The following CYB5A variants were observed in gnomAD, a reference collection of about 807,000 sequenced individuals.
CYB5A encodes the protein cytochrome b5.
A neutral mutation model predicts 16.2 loss-of-function variants in CYB5A; 10 were observed. The observed-to-expected ratio is 0.62, with a 90% confidence interval of 0.38 to 1.04. The LOEUF is 1.04. Ranked by LOEUF, CYB5A falls within the 50% of genes least tolerant of loss-of-function variation. The pLI is 0.01. For synonymous variants in CYB5A, 62 were observed against 57.0 expected, an observed-to-expected ratio of 1.09 and a Z score of -0.40; for missense variants, 161 against 165.9, an observed-to-expected ratio of 0.97 and a Z score of 0.16.
chr18:74,274,214 C>G (rs1982780537), intron 1 of CYB5A, among the ~76,000 whole-genome samples: 1 of 152,180 alleles, frequency 6.6e-6, no homozygotes, highest in African/African-American at 2.4e-5. Context: ...AAGACATGAT[C>G]TTGGGATGGG....
intron 1 of CYB5A, among the ~76,000 whole-genome samples, chr18:74,285,357 T>C (rs1035637620): frequency 8.5e-5 from 13 of 152,222 alleles, no homozygotes; most frequent in African/African-American, 3.1e-4. Context: ...ACAATGAAAT[T>C]CTTTCATAGA....
At chr18:74,284,899 C>G (rs766494873) in intron 1 of CYB5A, among the ~76,000 whole-genome samples, 1 of 152,168 alleles carries the variant, frequency 6.6e-6, no homozygotes, top group Non-Finnish European at 1.5e-5. Flanking sequence ...AGCCAACAGG[C>G]AGCACAGGCC....
At chr18:74,280,050 A>G (rs886755847) in intron 1 of CYB5A, among the ~76,000 whole-genome samples, 1 of 152,200 alleles carries the variant, frequency 6.6e-6, no homozygotes, top group Admixed American at 6.5e-5. Context: ...TCAGCAGCAT[A>G]ACTGGGCTCA....
intron 1 of CYB5A, among the ~76,000 whole-genome samples, chr18:74,273,191 G>A (rs562362785): frequency 3.9e-5 from 6 of 152,176 alleles, no homozygotes; most frequent in Non-Finnish European, 8.8e-5. Context: ...GGTCATCTTT[G>A]CTAGGAAGAC....
At chr18:74,255,625 G>C (rs1981945254) in intron 4 of CYB5A, 116 bp downstream of exon 4, 1 of 855,764 alleles carries the variant, frequency 1.2e-6, no homozygotes, top group Non-Finnish European at 2.0e-6. Flanking sequence ...GCAGAAGGTT[G>C]CTGAGACAGC....
chr18:74,288,375 T>A (rs1436070601), intron 1 of CYB5A, among the ~76,000 whole-genome samples: 1 of 151,714 alleles, frequency 6.6e-6, no homozygotes, highest in Admixed American at 6.6e-5. Context: ...GGATGGGGGA[T>A]CTCACAGTAA....
intron 1 of CYB5A, among the ~76,000 whole-genome samples, chr18:74,290,441 C>T (rs1053772232): frequency 2.0e-5 from 3 of 151,828 alleles, no homozygotes; most frequent in Admixed American, 6.5e-5. Context: ...GATGGGGTTT[C>T]GCCATGTTGG....
intron 1 of CYB5A, among the ~76,000 whole-genome samples, chr18:74,284,522 G>C (rs1983245726): frequency 6.6e-6 from 1 of 152,144 alleles, no homozygotes; most frequent in Non-Finnish European, 1.5e-5. Context: ...GGCTAATTCT[G>C]GACACAGCTG....
chr18:74,256,782 G>C (rs2145038262), intron 3 of CYB5A: 1 of 1,578,528 alleles, frequency 6.3e-7, no homozygotes. Flanking sequence ...TGAAAAGACA[G>C]ACCCCTTTCA....
rs1981770648 is a variant in CYB5A, at chr18:74,251,354, A to G, written c.*2230T>C. On this transcript the variant is annotated 3_prime_UTR_variant, in exon 5 of 5. Transcript: ENST00000340533. Reference sequence around the variant, plus strand: ...TAAGAAGTACATTGGTTCTGTTTGGAAAGGCGGGACACCTTGAAGCAAAGG... The same window carrying G: ...TAAGAAGTACATTGGTTCTGTTTGGGAAGGCGGGACACCTTGAAGCAAAGG... 1 of 152,494 alleles carries G rather than the reference A, an allele frequency of 6.6e-6. No individual in the cohort carries two copies. Among genetic ancestry groups the G allele is most frequent in the African/African-American group, 2.4e-5 (1 of 41,418 alleles). The allele number at this position is 152,494 out of a possible 1,614,324, so 9.4% of individuals were successfully genotyped here.
intron 1 of CYB5A, among the ~76,000 whole-genome samples, chr18:74,266,141 C>T (rs1420779353): frequency 6.6e-6 from 1 of 152,210 alleles, no homozygotes; most frequent in Non-Finnish European, 1.5e-5. Flanking sequence ...AACAGAATGG[C>T]TACCTCAAAG....
At chr18:74,265,695 G>C (rs1353083297) in intron 1 of CYB5A, among the ~76,000 whole-genome samples, 1 of 152,152 alleles carries the variant, frequency 6.6e-6, no homozygotes, top group Non-Finnish European at 1.5e-5. Flanking sequence ...TCATCTGCTC[G>C]GCCTCTGGTG....
At chr18:74,277,494 T>C (rs1289375696) in intron 1 of CYB5A, among the ~76,000 whole-genome samples, 4 of 152,214 alleles carry the variant, frequency 2.6e-5, no homozygotes, top group African/African-American at 7.2e-5. Flanking sequence ...AAACATCTGA[T>C]GAATGCCAAG....
intron 2 of CYB5A, chr18:74,261,263 T>C: frequency 2.8e-6 from 1 of 360,062 alleles, no homozygotes; most frequent in Non-Finnish European, 5.3e-6. Context: ...AGCTGAAGAC[T>C]GATTCTTCCC....
intron 1 of CYB5A, among the ~76,000 whole-genome samples, chr18:74,284,161 G>A (rs964613666): frequency 4.6e-5 from 7 of 150,604 alleles, no homozygotes; most frequent in African/African-American, 1.7e-4. Context: ...AACTTGGGAG[G>A]TGGAAGGTTG....
chr18:74,257,165 A>G, intron 3 of CYB5A: 1 of 373,040 alleles, frequency 2.7e-6, no homozygotes, highest in Non-Finnish European at 4.9e-6. Context: ...ACAAACATCC[A>G]CGGCGTCGTT....
chr18:74,283,836 T>C (rs995054994), intron 1 of CYB5A, among the ~76,000 whole-genome samples: 1 of 152,212 alleles, frequency 6.6e-6, no homozygotes, highest in Non-Finnish European at 1.5e-5. Flanking sequence ...CCTTATCGTC[T>C]GTGGGACTTG....
chr18:74,252,359 G>C lies in CYB5A; in HGVS notation c.*1225C>G, dbSNP rs1050782281. The C allele has an allele frequency of 6.6e-6, 1 of 152,202 alleles. No homozygotes were observed. Among genetic ancestry groups the C allele is most frequent in the African/African-American group, 2.4e-5 (1 of 41,450 alleles). The allele number at this position is 152,202 out of a possible 1,614,324, so 9.4% of individuals were successfully genotyped here. Reference sequence around the variant, plus strand: ...ATAATAAATGGGAAGTAAGATGACTGAATCAGCCCCTTAGAGCCCCCAGGA... The same window carrying C: ...ATAATAAATGGGAAGTAAGATGACTCAATCAGCCCCTTAGAGCCCCCAGGA... On this transcript the variant is annotated 3_prime_UTR_variant, in exon 5 of 5. Coordinates refer to ENST00000340533, the MANE Select transcript of CYB5A (RefSeq NM_148923.4).
chr18:74,270,087 G>T (rs942829331), intron 1 of CYB5A, among the ~76,000 whole-genome samples: 1 of 151,940 alleles, frequency 6.6e-6, no homozygotes, highest in Admixed American at 6.6e-5. Context: ...GGTCATGGCC[G>T]CACAGCCTCT....
Sources: gnomAD v4.1 joint callset for allele counts (sites outside exome capture counted in the v4.1 genomes callset) on GRCh38, gnomAD v4.1.1 for gene constraint, MANE v1.5 for transcripts, NCBI Gene and HGNC (gene_info 2026-07-23, HGNC 2026-07-21) for gene names.